Variants in LENG8 observed in about 807,000 individuals in gnomAD.
LENG8 encodes leukocyte receptor cluster member 8, also known as leukocyte receptor cluster (LRC) member 8.
A neutral mutation model predicts 102.1 loss-of-function variants in LENG8; 28 were observed. The ratio of observed to expected loss-of-function variants is 0.27; its 90% CI spans 0.20 to 0.38. The LOEUF (loss-of-function observed/expected upper bound fraction) is 0.38. Among genes scored for constraint, LENG8 ranks in the 10% least tolerant of loss-of-function variants. The pLI is 1.00. For missense variants in LENG8, 1,022 were observed against 1,113.9 expected, an observed-to-expected ratio of 0.92 and a Z score of 1.17; for synonymous variants, 531 against 456.7, an observed-to-expected ratio of 1.16 and a Z score of -2.07.
At chr19:54,457,686 G>T in intron 11 of LENG8, 61 bp from the exon 12 acceptor site, 1 of 1,181,956 alleles carries the variant, frequency 8.5e-7, no homozygotes, top group Non-Finnish European at 1.3e-6. Context: ...CAAATAAGTG[G>T]AAGCCGTTGG....
In LENG8 at chr19:54,460,587, C is replaced by CG. The variant is rs1363492112; in HGVS notation, c.2241-179_2241-178insG. The CG allele has an allele frequency of 5.7e-5, 81 of 1,409,832 alleles. 1 individual carries two copies. In the South Asian group the frequency reaches 7.0e-4, roughly 12 times the overall value. The allele number at this position is 1,409,832 out of a possible 1,614,324, so 87.3% of individuals were successfully genotyped here. ...GGCACAGGGGACTGGGGTCACTAAC[C>CG]CCCCCCGGGCCCCCCCCGAGCCCCT... On this transcript the variant is annotated intron_variant, in intron 15 of 15. Transcript: ENST00000326764.
intron 15 of LENG8, chr19:54,458,959 C>T (rs925567680): frequency 1.2e-5 from 18 of 1,482,304 alleles, no homozygotes; most frequent in Middle Eastern, 3.5e-4. Flanking sequence ...TCCCACTCAG[C>T]TCCTTTGAGA....
chr19:54,455,931 C>A lies in LENG8; in HGVS notation c.1026-36C>A, dbSNP rs776438539. 6 of 1,583,880 alleles carry A rather than the reference C, an allele frequency of 3.8e-6. No homozygotes were observed. In the African/African-American group the frequency reaches 4.0e-5, roughly 11 times the overall value. ...TGGCGGCTGTCCTGCCAGTGTCTGG[C>A]GGGGTTGGTGACGCCCTGCCCTGCT... On this transcript the variant is annotated intron_variant, in intron 8 of 15. Transcript: ENST00000326764.
chr19:54,460,545 T>G, intron 15 of LENG8: 1 of 1,403,678 alleles, frequency 7.1e-7, no homozygotes. Context: ...CCCGCACAGG[T>G]AAGTGAGGGT....
intron 2 of LENG8, 84 bp downstream of exon 2, chr19:54,451,466 C>G: frequency 7.0e-7 from 1 of 1,437,534 alleles, no homozygotes; most frequent in Admixed American, 1.7e-5. Context: ...TGGGACCTCC[C>G]GTGGCCTTAG....
Position 54,456,768 on chromosome 19 carries a change from C to A in LENG8, c.1578C>A (p.Leu526=), listed in dbSNP as rs750827589. ...ACGGACACTCCCGCCGCCTGCGCCT[C>A]GAGCCCCTGGTGCTGCAGATGAGCA... The part of the protein sequence containing the change: ...FQHGHSRRLR[L]EPLVLQMSSL... The change falls in exon 11 of 16, where the codon CTC becomes CTA. Residue 526 remains leucine, a synonymous_variant. Coordinates refer to ENST00000326764, the MANE Select transcript of LENG8 (RefSeq NM_052925.4). 8.1e-6 allele frequency: 13 copies of A among 1,611,468 alleles called. No homozygotes were observed. Among genetic ancestry groups the A allele is most frequent in the Non-Finnish European group, 1.1e-5 (13 of 1,179,456 alleles).
chr19:54,458,921 G>A lies in LENG8; in HGVS notation c.2240+400G>A, dbSNP rs751653894. 1.1e-5 allele frequency: 17 copies of A among 1,530,466 alleles called. No individual in the cohort carries two copies. The South Asian group carries it at 1.6e-4, about 14-fold the overall frequency. The allele number at this position is 1,530,466 out of a possible 1,614,324, so 94.8% of individuals were successfully genotyped here. A position where few individuals can be genotyped will look rare whatever the true frequency, so the allele number is the denominator to read the frequency against. On this transcript the variant is annotated intron_variant, in intron 15 of 15. Coordinates refer to ENST00000326764, the MANE Select transcript of LENG8 (RefSeq NM_052925.4). ...TCCCACCATAGAGACCATCTAGACA[G>A]CCTCTGGTCTACCAGGACAAGGCCC...
chr19:54,457,582 C>G (rs1429867710), intron 11 of LENG8, among the ~76,000 whole-genome samples, 165 bp from the exon 12 acceptor site: 1 of 151,734 alleles, frequency 6.6e-6, no homozygotes. Flanking sequence ...CTCAGATGAT[C>G]CACACACCTC....
chr19:54,457,705 C>T (rs1008965684), intron 11 of LENG8, 42 bp from the exon 12 acceptor site: 1 of 1,433,750 alleles, frequency 7.0e-7, no homozygotes, highest in Admixed American at 1.7e-5. Flanking sequence ...GGCCACGCTA[C>T]CTGAGTTGTA....
intron 7 of LENG8, 42 bp downstream of exon 7, chr19:54,455,134 C>T: frequency 6.2e-7 from 1 of 1,612,114 alleles, no homozygotes; most frequent in Non-Finnish European, 8.5e-7. Context: ...CCACACTCTG[C>T]ACTCAGCGTC....
intron 5 of LENG8, 89 bp downstream of exon 5, chr19:54,453,745 C>T (rs960826239): frequency 2.3e-6 from 2 of 877,938 alleles, no homozygotes; most frequent in Non-Finnish European, 3.6e-6. Flanking sequence ...GGCTTGTACT[C>T]CTTAAGCTGC....
chr19:54,455,835 C>T (rs1281083567), intron 8 of LENG8, 132 bp from the exon 9 acceptor site: 2 of 994,720 alleles, frequency 2.0e-6, no homozygotes, highest in African/African-American at 3.3e-5. Context: ...CATTTCTGCA[C>T]TGTAGTAGCT....
intron 15 of LENG8, chr19:54,460,261 T>C: frequency 1.6e-6 from 2 of 1,278,554 alleles, no homozygotes; most frequent in Non-Finnish European, 2.0e-6. Flanking sequence ...TGGCTCGTGC[T>C]AGATGCTCAG....
rs75017501 is a variant in LENG8, at chr19:54,460,081, G to C, written c.2241-685G>C. The C allele has an allele frequency of 9.9e-4, 1,273 of 1,289,676 alleles. 10 individuals carry two copies. The African/African-American group carries it at 0.017, about 17-fold the overall frequency. The allele number at this position is 1,289,676 out of a possible 1,614,324, so 79.9% of individuals were successfully genotyped here. On this transcript the variant is annotated intron_variant, in intron 15 of 15. Transcript: ENST00000326764. ...AGGCTGACCCTGCCCTGCCAGCTGA[G>C]ACTGGGAGACGGAGTGGGCTCTGAT...
At chr19:54,459,765 T>A in intron 15 of LENG8, 1 of 1,076,082 alleles carries the variant, frequency 9.3e-7, no homozygotes, top group Non-Finnish European at 1.1e-6. Flanking sequence ...TGAGCCAGGG[T>A]AGGAGTCACA....
At position 54,461,436 on chromosome 19, in the gene LENG8, G is replaced by A; in HGVS notation, c.*508G>A. The A allele has an allele frequency of 2.2e-6, 1 of 460,006 alleles. No homozygotes were observed. Among genetic ancestry groups the A allele is most frequent in the Non-Finnish European group, 4.4e-6 (1 of 227,180 alleles). The allele number at this position is 460,006 out of a possible 1,614,324, so 28.5% of individuals were successfully genotyped here. A position where few individuals can be genotyped will look rare whatever the true frequency, so the allele number is the denominator to read the frequency against. On this transcript the variant is annotated 3_prime_UTR_variant, in exon 16 of 16. Transcript: ENST00000326764. Reference sequence around the variant, plus strand: ...CAGCCCCTTGGGGCCTCCGTGTTTGGGGTGGGGGAGCTGCTTAGAGACTGT... The same window carrying A: ...CAGCCCCTTGGGGCCTCCGTGTTTGAGGTGGGGGAGCTGCTTAGAGACTGT...
At chr19:54,460,678 ACCCGAATGGGGGGGCCTC>A in intron 15 of LENG8, 70 bp from the exon 16 acceptor site, 1 of 1,440,716 alleles carries the variant, frequency 6.9e-7, no homozygotes, top group Non-Finnish European at 9.1e-7. Context: ...TCCTGTGGGC[ACCCGAATGGGGGGGCCTC>A]CCCGCTCGTG....
Position 54,452,762 on chromosome 19 carries a change from C to G in LENG8, c.315+10C>G, listed in dbSNP as rs370150392. 24 of 1,599,966 alleles carry G rather than the reference C, an allele frequency of 1.5e-5. No individual in the cohort carries two copies. The highest frequency in any genetic ancestry group is 2.0e-5 in the Non-Finnish European group (23 of 1,167,464). ...CTACTACTATCCCATGGTGAGTGCC[C>G]AGCCAGTGGGGCGGGGCAGGGCGAG... On this transcript the variant is annotated intron_variant, in intron 4 of 15. Coordinates refer to ENST00000326764, the MANE Select transcript of LENG8 (RefSeq NM_052925.4).
At chr19:54,460,557 A>AG (rs967051452) in intron 15 of LENG8, 10 of 1,406,454 alleles carry the variant, frequency 7.1e-6, no homozygotes, top group Non-Finnish European at 5.6e-6. Flanking sequence ...AGTGAGGGTG[A>AG]GGGGGGCACA....
Sources: gnomAD v4.1 joint callset for allele counts (sites outside exome capture counted in the v4.1 genomes callset) on GRCh38, gnomAD v4.1.1 for gene constraint, MANE v1.5 for transcripts, NCBI Gene and HGNC (gene_info 2026-07-23, HGNC 2026-07-21) for gene names.